Variants in CCDC33 observed in about 807,000 individuals in gnomAD.
The protein encoded by CCDC33 is coiled-coil domain containing 33, also known as coiled-coil domain-containing protein 33.
A neutral mutation model predicts 91.9 loss-of-function variants in CCDC33; 94 were observed. The observed-to-expected ratio is 1.02, with a 90% confidence interval of 0.87 to 1.21. The LOEUF is 1.21. CCDC33 is among the 50% of genes most tolerant of loss of function. CCDC33 has a pLI of 0.00. For synonymous variants in CCDC33, 396 were observed against 374.5 expected, an observed-to-expected ratio of 1.06 and a Z score of -0.66; for missense variants, 940 against 935.5, an observed-to-expected ratio of 1.00 and a Z score of -0.06.
intron 7 of CCDC33, among the ~76,000 whole-genome samples, chr15:74,278,519 G>C: frequency 6.6e-6 from 1 of 152,230 alleles, no homozygotes; most frequent in Admixed American, 6.5e-5. Context: ...TGCCTGCTGG[G>C]AGTTATGGGC....
chr15:74,254,440 T>A (rs2075799558), intron 2 of CCDC33, among the ~76,000 whole-genome samples: 1 of 152,224 alleles, frequency 6.6e-6, no homozygotes, highest in Non-Finnish European at 1.5e-5. Context: ...TCTGGGCCCC[T>A]CATTGTTCCT....
At chr15:74,240,691 C>A (rs2075319505) in intron 1 of CCDC33, among the ~76,000 whole-genome samples, 3 of 152,190 alleles carry the variant, frequency 2.0e-5, no homozygotes, top group Admixed American at 1.3e-4. Flanking sequence ...CTCCTAGGTT[C>A]AAGCAATTCT....
rs1291867180 is a variant in CCDC33, at chr15:74,266,684, T to A, written c.326T>A (p.Ile109Asn). 9.3e-6 allele frequency: 15 copies of A among 1,612,724 alleles called. No individual in the cohort carries two copies. The highest frequency in any genetic ancestry group is 1.3e-5 in the African/African-American group (1 of 74,910). The part of the protein sequence containing the change: ...QAEDAGQEDV[I>N]LKVVDNRKKQ... ...TCATTTTTTCTCTTTCCAGATGTGATCCTCAAGGTGGTGGACAACAGAAAG... is the reference window on the plus strand; with the variant it reads ...TCATTTTTTCTCTTTCCAGATGTGAACCTCAAGGTGGTGGACAACAGAAAG... The change falls in exon 4 of 19, where the codon ATC (isoleucine) becomes AAC (asparagine). Residue 109 changes from isoleucine (I) to asparagine (N), a missense_variant. Physicochemically the swap from Ile to Asn is moderately radical, Grantham distance 149 (BLOSUM62 -3). Coordinates refer to ENST00000398814, the MANE Select transcript of CCDC33 (RefSeq NM_025055.5).
chr15:74,218,923 G>C lies in CCDC33; in HGVS notation c.675+62G>C, dbSNP rs1459174503. On this transcript the variant is annotated intron_variant, in intron 2 of 2. Coordinates refer to the CCDC33 transcript ENST00000635913. This position sits in a 1 kb window ranked among gnomAD's most constrained non-coding sequence, Gnocchi z 4.8. ...TCACCGGGTACAAGACCCAGCCTCC[G>C]TGATAAGCCAGGCTACCCCCTGTCC... The C allele has an allele frequency of 8.4e-7, 1 of 1,191,108 alleles. No homozygotes were observed. The highest frequency in any genetic ancestry group is 1.1e-6 in the Non-Finnish European group (1 of 941,886). The allele number at this position is 1,191,108 out of a possible 1,614,324, so 73.8% of individuals were successfully genotyped here. A position where few individuals can be genotyped will look rare whatever the true frequency, so the allele number is the denominator to read the frequency against.
intron 1 of CCDC33, chr15:74,208,036 A>T: frequency 7.4e-7 from 1 of 1,349,896 alleles, no homozygotes; most frequent in Non-Finnish European, 9.6e-7. Flanking sequence ...CCCCCTCACC[A>T]ACAGCATCAT....
chr15:74,334,944 G>A, intron 17 of CCDC33, 31 bp from the exon 18 acceptor site: 1 of 1,548,946 alleles, frequency 6.5e-7, no homozygotes, highest in Non-Finnish European at 8.9e-7. Context: ...GCTGCCCATG[G>A]TCCTCCAATT....
At chr15:74,292,250 A>C (rs2059598363) in intron 10 of CCDC33, among the ~76,000 whole-genome samples, 1 of 152,174 alleles carries the variant, frequency 6.6e-6, no homozygotes, top group Admixed American at 6.5e-5. Context: ...GGGAGGAGTT[A>C]GTCTCCAAGG....
rs756564766 is a variant in CCDC33 at position 74,209,574 on chromosome 15, G to T, written n.236+40G>T. On this transcript the variant is annotated intron_variant and non_coding_transcript_variant, in intron 2 of 3. Transcript: ENST00000558645. ...CAGGGGAAGTGAAAAAGGCCCCCTCGGAGCTTTCTCTTCTATTTCTCACTT... is the reference window on the plus strand; with the variant it reads ...CAGGGGAAGTGAAAAAGGCCCCCTCTGAGCTTTCTCTTCTATTTCTCACTT... The T allele has an allele frequency of 1.4e-5, 11 of 763,768 alleles. No individual in the cohort carries two copies. The African/African-American group carries it at 1.8e-4, about 12-fold the overall frequency. 47.3% of individuals were successfully genotyped at this position (763,768 alleles called of 1,614,324 possible). A position where few individuals can be genotyped will look rare whatever the true frequency, so the allele number is the denominator to read the frequency against.
intron 10 of CCDC33, among the ~76,000 whole-genome samples, chr15:74,290,772 G>A (rs150181419): frequency 2.8e-4 from 43 of 152,312 alleles, no homozygotes; most frequent in African/African-American, 1.0e-3. Context: ...AGGGTGCAGG[G>A]TGAGGGCTTT....
intron 10 of CCDC33, among the ~76,000 whole-genome samples, chr15:74,291,670 C>G (rs1446248765): frequency 6.6e-6 from 1 of 152,248 alleles, no homozygotes. Context: ...AGGACAGCAG[C>G]TGCAGCCTGG....
chr15:74,283,900 G>A lies in CCDC33; in HGVS notation c.1095+2051G>A, dbSNP rs74999750. Among the ~76,000 whole-genome samples the A allele has an allele frequency of 2.2e-3, 334 of 151,952 alleles. 2 individuals are homozygous for A. Among genetic ancestry groups the A allele is most frequent in the African/African-American group, 7.8e-3 (322 of 41,430 alleles). On this transcript the variant is annotated intron_variant, in intron 10 of 18. Transcript: ENST00000398814. ...ACACAGATGTGTGCGCACATACCTTGGCAAGAAGGATGCACACTCTTAACA... is the reference window on the plus strand; with the variant it reads ...ACACAGATGTGTGCGCACATACCTTAGCAAGAAGGATGCACACTCTTAACA...
At chr15:74,222,301 G>T (rs2074621038) in intron 2 of CCDC33, among the ~76,000 whole-genome samples, 1 of 152,140 alleles carries the variant, frequency 6.6e-6, no homozygotes. Flanking sequence ...AAATTTTAAG[G>T]TTCCTTGTTT....
At chr15:74,217,254 G>T (rs1235003081) in exon 1 of CCDC33, 1 of 1,250,068 alleles carries the variant, frequency 8.0e-7, no homozygotes. Context: ...CAGCCTGGCA[G>T]TTGGTCTCTC....
intron 1 of CCDC33, among the ~76,000 whole-genome samples, chr15:74,206,344 AC>A (rs548211593): frequency 4.7e-4 from 72 of 152,042 alleles, no homozygotes; most frequent in Non-Finnish European, 7.6e-4. Context: ...AGCCCAAGGT[AC>A]CTCCTCAGCT....
chr15:74,333,800 C>T, intron 16 of CCDC33, 81 bp from the exon 17 acceptor site: 2 of 1,192,918 alleles, frequency 1.7e-6, no homozygotes, highest in Admixed American at 1.8e-5. Context: ...TGGTTTCTTC[C>T]TCAATACCTT....
intron 8 of CCDC33, 152 bp from the exon 9 acceptor site, chr15:74,280,516 G>A: frequency 1.2e-6 from 1 of 845,132 alleles, no homozygotes; most frequent in East Asian, 2.8e-5. Context: ...AGTTCACAAA[G>A]CCCTGAAGAT....
At chr15:74,315,370 T>C (rs939835073) in intron 11 of CCDC33, among the ~76,000 whole-genome samples, 2 of 152,154 alleles carry the variant, frequency 1.3e-5, no homozygotes, top group African/African-American at 2.4e-5. Context: ...CCAAGGCCAG[T>C]TGAGGACAGG....
chr15:74,283,749 C>A (rs1412743899), intron 10 of CCDC33, among the ~76,000 whole-genome samples: 2 of 150,816 alleles, frequency 1.3e-5, no homozygotes, highest in Non-Finnish European at 3.0e-5. Context: ...GGGTGTGTAC[C>A]AAGAAAATAG....
intron 2 of CCDC33, among the ~76,000 whole-genome samples, chr15:74,226,118 G>A (rs1219945163): frequency 6.6e-6 from 1 of 152,244 alleles, no homozygotes; most frequent in East Asian, 1.9e-4. Flanking sequence ...TGTATGTCCA[G>A]CCTTCAGGGA....
Sources: gnomAD v4.1 joint callset for allele counts (sites outside exome capture counted in the v4.1 genomes callset) on GRCh38, gnomAD v4.1.1 for gene constraint, Gnocchi (gnomAD v3.1) non-coding constraint, MANE v1.5 for transcripts, NCBI Gene and HGNC (gene_info 2026-07-23, HGNC 2026-07-21) for gene names.